TATDN2: variants seen among roughly 807,000 people sequenced by gnomAD.
TATDN2 encodes TatD DNase domain containing 2, also known as 3'-5' RNA nuclease TATDN2.
TATDN2 carries 44 observed loss-of-function variants against 60.3 expected under a neutral mutation model. The ratio of observed to expected loss-of-function variants is 0.73; its 90% CI spans 0.57 to 0.94. The LOEUF is 0.94. TATDN2 is among the 40% of genes least tolerant of loss of function. TATDN2 has a pLI of 0.00. For synonymous variants in TATDN2, 399 were observed against 355.8 expected, an observed-to-expected ratio of 1.12 and a Z score of -1.37; for missense variants, 997 against 948.0, an observed-to-expected ratio of 1.05 and a Z score of -0.68.
At chr3:10,265,381 C>T (rs1286225859) in intron 3 of TATDN2, among the ~76,000 whole-genome samples, 3 of 149,378 alleles carry the variant, frequency 2.0e-5, no homozygotes, top group Admixed American at 1.3e-4. Context: ...CCGGCCAGAA[C>T]TTTAAAAATT....
intron 1 of TATDN2, 34 bp downstream of exon 1, chr3:10,249,101 G>A (rs1253457026): frequency 1.4e-6 from 2 of 1,431,378 alleles, no homozygotes; most frequent in Non-Finnish European, 9.3e-7. Flanking sequence ...CTGCCCTTAT[G>A]TCTTGCCGTC....
At chr3:10,266,931 C>CTTTTTTTTT (rs199956355) in intron 3 of TATDN2, among the ~76,000 whole-genome samples, 10,524 of 125,822 alleles carry the variant, frequency 0.084, 827 homozygotes, top group East Asian at 0.24. Flanking sequence ...CTAAGGCAGT[C>CTTTTTTTTT]TTTTTTTTTT....
chr3:10,277,104 T>C (rs926592835), intron 5 of TATDN2, among the ~76,000 whole-genome samples: 1 of 152,164 alleles, frequency 6.6e-6, no homozygotes, highest in African/African-American at 2.4e-5. Flanking sequence ...ATTGCTGATC[T>C]TGAGAGGTTG....
chr3:10,249,946 A>G (rs1009474915), intron 2 of TATDN2, among the ~76,000 whole-genome samples: 2 of 152,172 alleles, frequency 1.3e-5, no homozygotes, highest in African/African-American at 4.8e-5. Flanking sequence ...AGTGCTCCCC[A>G]GGTTATTGTA....
At chr3:10,270,088 C>T (rs772728492) in intron 3 of TATDN2, 43 bp from the exon 4 acceptor site, 18 of 1,562,914 alleles carry the variant, frequency 1.2e-5, no homozygotes, top group South Asian at 4.9e-5. Context: ...GCCATCTTCA[C>T]ATCGGAAGGC....
intron 4 of TATDN2, among the ~76,000 whole-genome samples, chr3:10,274,989 ATTTTTT>A (rs34892858): frequency 7.3e-6 from 1 of 136,270 alleles, no homozygotes; most frequent in African/African-American, 2.7e-5. Flanking sequence ...TAATGAATTA[ATTTTTT>A]TTTTTTTTTT....
chr3:10,254,656 A>G (rs747614433), intron 2 of TATDN2, among the ~76,000 whole-genome samples: 1 of 152,200 alleles, frequency 6.6e-6, no homozygotes, highest in Admixed American at 6.5e-5. Context: ...GGCACGCTGC[A>G]GAGAAAGGGT....
chr3:10,264,284 C>A (rs115525380), intron 3 of TATDN2, among the ~76,000 whole-genome samples: 1 of 152,170 alleles, frequency 6.6e-6, no homozygotes, highest in Admixed American at 6.5e-5. Context: ...TTTCCTGGTG[C>A]CTAGCTTAGG....
rs1420789389 is a variant in TATDN2 at position 10,280,698 on chromosome 3, C to T, written c.*1516C>T. The T allele has an allele frequency of 6.5e-6, 1 of 153,802 alleles. No individual in the cohort carries two copies. Among genetic ancestry groups the T allele is most frequent in the Non-Finnish European group, 1.5e-5 (1 of 68,062 alleles). The allele number at this position is 153,802 out of a possible 1,614,324, so 9.5% of individuals were successfully genotyped here. On this transcript the variant is annotated 3_prime_UTR_variant, in exon 8 of 8. Transcript: ENST00000448281. Reference sequence around the variant, plus strand: ...CACAAGTCACTGGCCTGGAACTCAGCCTTGATTCACTGTCCGTCTTCACGG... The same window carrying T: ...CACAAGTCACTGGCCTGGAACTCAGTCTTGATTCACTGTCCGTCTTCACGG...
rs751538105 is a variant in TATDN2 at position 10,249,566 on chromosome 3, C to G, written c.366C>G (p.Ala122=). The part of the protein sequence containing the change: ...SGGSPLRPAN[A]SLEEMASLEE... ...GATCCCCTCTGCGTCCTGCCAACGC[C>G]TCTTTGGAAGAAATGGCTTCTCTAG... The change falls in exon 2 of 8, where the codon GCC becomes GCG. Residue 122 remains alanine (A), a synonymous_variant. Coordinates refer to ENST00000448281, the MANE Select transcript of TATDN2 (RefSeq NM_014760.4). 6.5e-7 allele frequency: 1 copy of G among 1,549,120 alleles called. No homozygotes were observed. The highest frequency in any genetic ancestry group is 1.4e-5 in the African/African-American group (1 of 72,502).
In TATDN2 at chr3:10,281,077, G is replaced by A. The variant is rs1314221648; in HGVS notation, c.*1895G>A. 1.3e-5 allele frequency: 2 copies of A among 152,228 alleles called. No individual in the cohort carries two copies. Among genetic ancestry groups the A allele is most frequent in the African/African-American group, 4.8e-5 (2 of 41,448 alleles). 9.4% of individuals were successfully genotyped at this position (152,228 alleles called of 1,614,324 possible). Reference sequence around the variant, plus strand: ...TGCACAGTGAAACCTCACCTGTGTGGGCGTGAAAGCTGATTGGCATTGTTT... The same window carrying A: ...TGCACAGTGAAACCTCACCTGTGTGAGCGTGAAAGCTGATTGGCATTGTTT... On this transcript the variant is annotated 3_prime_UTR_variant, in exon 8 of 8. Transcript: ENST00000448281.
In TATDN2 at chr3:10,270,916, T is replaced by G. The variant is rs140889617; in HGVS notation, c.1734T>G (p.Asn578Lys). The change falls in exon 4 of 8, where the codon AAT (asparagine) becomes AAG (lysine). Residue 578 changes from asparagine (N) to lysine (K), a missense_variant. By Grantham distance (94) the Asn-to-Lys change is moderately conservative (BLOSUM62 0). Coordinates refer to ENST00000448281, the MANE Select transcript of TATDN2 (RefSeq NM_014760.4). ...ARYYSESQER[N>K]LLQALRHPKA... ...ACTACAGTGAGAGTCAAGAAAGAAA[T>G]CTTTTGCAAGCCTTAAGGCACCCTA... 22 of 1,614,162 alleles carry G rather than the reference T, an allele frequency of 1.4e-5. No individual in the cohort carries two copies. The highest frequency in any genetic ancestry group is 1.7e-5 in the Non-Finnish European group (20 of 1,180,028).
intron 4 of TATDN2, among the ~76,000 whole-genome samples, chr3:10,274,258 A>G (rs753624179): frequency 3.9e-5 from 6 of 152,220 alleles, no homozygotes; most frequent in Admixed American, 6.5e-5. Flanking sequence ...GATGTGTTTC[A>G]TGAAACATTA....
At chr3:10,271,469 A>C (rs532004672) in intron 4 of TATDN2, among the ~76,000 whole-genome samples, 1 of 150,772 alleles carries the variant, frequency 6.6e-6, no homozygotes, top group African/African-American at 2.4e-5. Flanking sequence ...GTGCATCACT[A>C]CACCCGGCTA....
At chr3:10,255,674 G>C (rs1225823100) in intron 2 of TATDN2, among the ~76,000 whole-genome samples, 2 of 152,140 alleles carry the variant, frequency 1.3e-5, no homozygotes, top group African/African-American at 4.8e-5. Flanking sequence ...GGGTGCGGTG[G>C]CTCATGCCTG....
intron 4 of TATDN2, among the ~76,000 whole-genome samples, chr3:10,273,207 G>A (rs1698591152): frequency 6.6e-6 from 1 of 152,184 alleles, no homozygotes; most frequent in South Asian, 2.1e-4. Context: ...TTGCTGGCTG[G>A]GAGAGGGCTA....
At chr3:10,257,161 A>T (rs2125172901) in intron 2 of TATDN2, among the ~76,000 whole-genome samples, 1 of 151,860 alleles carries the variant, frequency 6.6e-6, no homozygotes, top group Non-Finnish European at 1.5e-5. Context: ...AGATGCCTGT[A>T]ATCCCAGCTA....
chr3:10,276,683 G>A (rs995911605), intron 5 of TATDN2, among the ~76,000 whole-genome samples, 195 bp downstream of exon 5: 2 of 151,992 alleles, frequency 1.3e-5, no homozygotes, highest in African/African-American at 4.8e-5. Context: ...CTGCCTCCCG[G>A]GTTCAAACAA....
chr3:10,260,326 A>T lies in TATDN2; in HGVS notation c.604A>T (p.Arg202Trp), dbSNP rs374555335. The T allele has an allele frequency of 2.5e-6, 4 of 1,614,074 alleles. No individual in the cohort carries two copies. Among genetic ancestry groups the T allele is most frequent in the Non-Finnish European group, 3.4e-6 (4 of 1,180,036 alleles). The part of the protein sequence containing the change: ...QGILGKSMPK[R>W]KGEAATRAKP... ...CATCCTGGGGAAATCGATGCCAAAAAGGAAGGGAGAGGCTGCCACTCGGGC... is the reference window on the plus strand; with the variant it reads ...CATCCTGGGGAAATCGATGCCAAAATGGAAGGGAGAGGCTGCCACTCGGGC... The change falls in exon 3 of 8, where the codon AGG (arginine) becomes TGG (tryptophan). Residue 202 changes from arginine (R) to tryptophan (W), a missense_variant. Transcript: ENST00000448281.
Sources: gnomAD v4.1 joint callset for allele counts (sites outside exome capture counted in the v4.1 genomes callset) on GRCh38, gnomAD v4.1.1 for gene constraint, MANE v1.5 for transcripts, NCBI Gene and HGNC (gene_info 2026-07-23, HGNC 2026-07-21) for gene names.